The following PCYT1A variants were observed in gnomAD, a reference collection of about 807,000 sequenced individuals.
PCYT1A encodes phosphate cytidylyltransferase 1A, choline, also known as choline-phosphate cytidylyltransferase A.
PCYT1A carries 25 observed loss-of-function variants against 43.7 expected under a neutral mutation model. The observed-to-expected ratio is 0.57, with a 90% CI of 0.42 to 0.80. The LOEUF (loss-of-function observed/expected upper bound fraction) is 0.80, where lower values mean the gene tolerates loss of function less well. Ranked by LOEUF, PCYT1A falls within the 30% of genes least tolerant of loss-of-function variation. The pLI is 0.00. For synonymous variants in PCYT1A, 172 were observed against 170.7 expected (o/e 1.01, Z -0.06); for missense variants, 421 against 474.2 (o/e 0.89, Z 1.04).
chr3:196,242,496 G>T lies in PCYT1A; in HGVS notation c.565+66C>A. The T allele has an allele frequency of 9.5e-7, 1 of 1,049,132 alleles. No homozygotes were observed. The highest frequency in any genetic ancestry group is 1.5e-6 in the Non-Finnish European group (1 of 664,064). 65.0% of individuals were successfully genotyped at this position (1,049,132 alleles called of 1,614,324 possible). The stretch of plus-strand genomic sequence containing the variant: ...TGTACACATTTTCCTCTGTAAAGCA[G>T]CAACATGGCTGAACATCTGCAGCTG... On this transcript the variant is annotated intron_variant, in intron 6 of 8. Transcript: ENST00000431016. This position sits in a 1 kb window ranked among gnomAD's most constrained non-coding sequence, Gnocchi z 4.2.
At chr3:196,266,759 G>A (rs904901671) in intron 2 of PCYT1A, among the ~76,000 whole-genome samples, 1 of 151,898 alleles carries the variant, frequency 6.6e-6, no homozygotes, top group African/African-American at 2.4e-5. Context: ...GCGTGGTGGC[G>A]GCGCATGCCT....
intron 1 of PCYT1A, among the ~76,000 whole-genome samples, chr3:196,271,402 G>GGTTTTTATTTACTTTTTTATT (rs1212373055): frequency 4.6e-5 from 7 of 152,040 alleles, no homozygotes; most frequent in Non-Finnish European, 1.0e-4. Context: ...GTAGCATAAT[G>GGTTTTTATTTACTTTTTTATT]GTTTTTATTT....
intron 4 of PCYT1A, 66 bp downstream of exon 4, chr3:196,248,141 G>C (rs1207038263): frequency 2.2e-6 from 2 of 893,362 alleles, no homozygotes; most frequent in Non-Finnish European, 3.8e-6. Flanking sequence ...GTACTCAGCT[G>C]AGAAAGACAG....
At chr3:196,269,770 C>T (rs1396369482) in intron 2 of PCYT1A, among the ~76,000 whole-genome samples, 2 of 152,154 alleles carry the variant, frequency 1.3e-5, no homozygotes, top group Non-Finnish European at 2.9e-5. Context: ...GGAGAAAAAA[C>T]AGCAGAAAAG....
Position 196,235,799 on chromosome 3 carries a change from C to T in PCYT1A, c.*2889G>A, listed in dbSNP as rs1724143505. ...AACGTTAATATCTGAAGATTTAGAT[C>T]CCAGGCATTGTGGTGGTGTGCACAC... On this transcript the variant is annotated 3_prime_UTR_variant, in exon 9 of 9. Transcript: ENST00000431016. The surrounding 1 kb of genome is among the most constrained non-coding windows in gnomAD (Gnocchi z 4.3). 6.6e-6 allele frequency: 1 copy of T among 152,222 alleles called. No individual in the cohort carries two copies. Among genetic ancestry groups the T allele is most frequent in the Admixed American group, 6.5e-5 (1 of 15,284 alleles). The allele number at this position is 152,222 out of a possible 1,614,324, so 9.4% of individuals were successfully genotyped here.
chr3:196,272,317 T>C (rs961161774), intron 1 of PCYT1A, among the ~76,000 whole-genome samples: 5 of 151,924 alleles, frequency 3.3e-5, no homozygotes, highest in Non-Finnish European at 7.4e-5. Flanking sequence ...CCTGAGTAGG[T>C]GGGATTACAG....
intron 1 of PCYT1A, among the ~76,000 whole-genome samples, chr3:196,276,342 G>T (rs186056281): frequency 1.3e-5 from 2 of 151,672 alleles, no homozygotes; most frequent in Non-Finnish European, 2.9e-5. Flanking sequence ...AATGGCTCAC[G>T]CCTGCAATCC....
rs1462234466 is a variant in PCYT1A at position 196,238,560 on chromosome 3, C to G, written c.*128G>C. Reference sequence around the variant, plus strand: ...TTGGGTTCCCCCAGTCCTAGGTCTTCTTTCCCCAGTTGTCTTTCCTTTGTA... The same window carrying G: ...TTGGGTTCCCCCAGTCCTAGGTCTTGTTTCCCCAGTTGTCTTTCCTTTGTA... On this transcript the variant is annotated 3_prime_UTR_variant, in exon 9 of 9. Coordinates refer to ENST00000431016, the MANE Select transcript of PCYT1A (RefSeq NM_001312673.2). 3.1e-6 allele frequency: 2 copies of G among 650,208 alleles called. No homozygotes were observed. Among genetic ancestry groups the G allele is most frequent in the Non-Finnish European group, 5.0e-6 (2 of 397,000 alleles). 40.3% of individuals were successfully genotyped at this position (650,208 alleles called of 1,614,324 possible).
At chr3:196,244,957 A>C (rs1234603581) in intron 5 of PCYT1A, among the ~76,000 whole-genome samples, 3 of 152,220 alleles carry the variant, frequency 2.0e-5, no homozygotes, top group African/African-American at 4.8e-5. Context: ...ACACTGCAGA[A>C]GGCCGCAGGG....
Position 196,242,414 on chromosome 3 carries a change from T to C in PCYT1A, c.565+148A>G. Reference sequence around the variant, plus strand: ...GACGACAAAGAATTGATGGGTGCTATGCTCATCTTTACCTTTTATCCAAAA... The same window carrying C: ...GACGACAAAGAATTGATGGGTGCTACGCTCATCTTTACCTTTTATCCAAAA... On this transcript the variant is annotated intron_variant, in intron 6 of 8. Coordinates refer to ENST00000431016, the MANE Select transcript of PCYT1A (RefSeq NM_001312673.2). This position sits in a 1 kb window ranked among gnomAD's most constrained non-coding sequence, Gnocchi z 4.2. 1 of 729,506 alleles carries C rather than the reference T, an allele frequency of 1.4e-6. No homozygotes were observed. The highest frequency in any genetic ancestry group is 2.5e-6 in the Non-Finnish European group (1 of 394,204). 45.2% of individuals were successfully genotyped at this position (729,506 alleles called of 1,614,324 possible). A position where few individuals can be genotyped will look rare whatever the true frequency, so the allele number is the denominator to read the frequency against.
intron 3 of PCYT1A, among the ~76,000 whole-genome samples, chr3:196,250,037 G>A (rs916868698): frequency 2.7e-5 from 4 of 150,394 alleles, no homozygotes; most frequent in African/African-American, 2.5e-5. Context: ...ACACCATGCC[G>A]AGGCTGAGGA....
intron 1 of PCYT1A, among the ~76,000 whole-genome samples, chr3:196,276,006 A>G (rs1459257376): frequency 4.6e-5 from 7 of 151,318 alleles, no homozygotes; most frequent in African/African-American, 1.7e-4. Context: ...CTGAGGCAGG[A>G]GAATGGTGTG....
chr3:196,257,832 G>A lies in PCYT1A; in HGVS notation c.173C>T (p.Pro58Leu). The change falls in exon 3 of 9, where the codon CCC becomes CTC. Residue 58 changes from proline (P) to leucine (L), a missense_variant. Coordinates refer to ENST00000431016, the MANE Select transcript of PCYT1A (RefSeq NM_001312673.2). ...TTCTTCCATAGTTACCCTGACATAG[G>A]GCTTACTAAAGTCAACTTCAATTTC... ...SDEIEVDFSKPYVRVTMEEAS... is the reference protein window; with the variant it reads ...SDEIEVDFSKLYVRVTMEEAS... The A allele has an allele frequency of 3.1e-6, 5 of 1,613,114 alleles. No homozygotes were observed. Among genetic ancestry groups the A allele is most frequent in the Non-Finnish European group, 4.2e-6 (5 of 1,179,280 alleles).
chr3:196,243,552 CCTCT>C (rs1313967720), intron 5 of PCYT1A, among the ~76,000 whole-genome samples: 2 of 151,944 alleles, frequency 1.3e-5, no homozygotes, highest in Non-Finnish European at 2.9e-5. Flanking sequence ...TCTCCCTCTC[CCTCT>C]CTTTCTATGG....
At chr3:196,243,151 C>G (rs1437957727) in intron 5 of PCYT1A, 1 of 155,644 alleles carries the variant, frequency 6.4e-6, no homozygotes, top group Non-Finnish European at 1.4e-5. Context: ...CATGGTGAAA[C>G]CCCGTCTCTA....
At chr3:196,270,936 G>C (rs1210190855) in intron 1 of PCYT1A, among the ~76,000 whole-genome samples, 1 of 152,222 alleles carries the variant, frequency 6.6e-6, no homozygotes, top group Non-Finnish European at 1.5e-5. Context: ...ATAAGGCAAT[G>C]TGAAGGTATG....
In PCYT1A at chr3:196,242,221, C is replaced by G; in HGVS notation, c.566-131G>C. 1.1e-6 allele frequency: 1 copy of G among 877,434 alleles called. No homozygotes were observed. Among genetic ancestry groups the G allele is most frequent in the Non-Finnish European group, 1.8e-6 (1 of 553,216 alleles). The allele number at this position is 877,434 out of a possible 1,614,324, so 54.4% of individuals were successfully genotyped here. ...CAGAATCTGTTATTACTAAATGAAACTGAAAGATACTGATATACAGAAGGT... is the reference window on the plus strand; with the variant it reads ...CAGAATCTGTTATTACTAAATGAAAGTGAAAGATACTGATATACAGAAGGT... On this transcript the variant is annotated intron_variant, in intron 6 of 8. Coordinates refer to ENST00000431016, the MANE Select transcript of PCYT1A (RefSeq NM_001312673.2). The surrounding 1 kb of genome is among the most constrained non-coding windows in gnomAD (Gnocchi z 4.2).
Position 196,277,176 on chromosome 3 carries a change from G to A in PCYT1A, c.-10-6635C>T, listed in dbSNP as rs1344687575. Among the ~76,000 whole-genome samples, 1 of 152,120 alleles carries A rather than the reference G, an allele frequency of 6.6e-6. No individual in the cohort carries two copies. Among genetic ancestry groups the A allele is most frequent in the African/African-American group, 2.4e-5 (1 of 41,426 alleles). The stretch of plus-strand genomic sequence containing the variant: ...ACCCAGGAGGCAGAGGTTGCAGTGA[G>A]CCAAGATCATGCCATTGCACTCCAG... On this transcript the variant is annotated intron_variant, in intron 1 of 8. Transcript: ENST00000431016. This position sits in a 1 kb window ranked among gnomAD's most constrained non-coding sequence, Gnocchi z 4.1.
Position 196,247,264 on chromosome 3 carries a change from A to T in PCYT1A, c.486+103T>A. 8.6e-7 allele frequency: 1 copy of T among 1,162,088 alleles called. No individual in the cohort carries two copies. Among genetic ancestry groups the T allele is most frequent in the Non-Finnish European group, 1.3e-6 (1 of 788,702 alleles). The allele number at this position is 1,162,088 out of a possible 1,614,324, so 72.0% of individuals were successfully genotyped here. On this transcript the variant is annotated intron_variant, in intron 5 of 8. Transcript: ENST00000431016. The surrounding 1 kb of genome is among the most constrained non-coding windows in gnomAD (Gnocchi z 4.8). Reference sequence around the variant, plus strand: ...CTCCTACGAAACTTACATAAGAGGTAGAAGTAAAACACGGCTAGTGGAAAA... The same window carrying T: ...CTCCTACGAAACTTACATAAGAGGTTGAAGTAAAACACGGCTAGTGGAAAA...
Sources: gnomAD v4.1 joint callset for allele counts (sites outside exome capture counted in the v4.1 genomes callset) on GRCh38, gnomAD v4.1.1 for gene constraint, Gnocchi (gnomAD v3.1) non-coding constraint, MANE v1.5 for transcripts, NCBI Gene and HGNC (gene_info 2026-07-23, HGNC 2026-07-21) for gene names.